BCL7B: variants seen among roughly 807,000 people sequenced by gnomAD.
The protein encoded by BCL7B is BAF chromatin remodeling complex subunit BCL7B, also known as B-cell CLL/lymphoma 7 protein family member B.
BCL7B carries 11 observed loss-of-function variants against 26.5 expected under a neutral mutation model. The observed-to-expected ratio is 0.42, with a 90% CI of 0.26 to 0.69. The LOEUF (loss-of-function observed/expected upper bound fraction) is 0.69, where lower values mean the gene tolerates loss of function less well. Ranked by LOEUF, BCL7B falls within the 30% of genes least tolerant of loss-of-function variation. The pLI, the probability that BCL7B is intolerant of heterozygous loss-of-function variation, is 0.28. For synonymous variants in BCL7B, 111 were observed against 107.9 expected (o/e 1.03, Z -0.18); for missense variants, 215 against 264.4 (o/e 0.81, Z 1.30).
chr7:73,552,644 G>A (rs185232435), intron 1 of BCL7B, among the ~76,000 whole-genome samples: 1 of 151,940 alleles, frequency 6.6e-6, no homozygotes, highest in Non-Finnish European at 1.5e-5. Flanking sequence ...AGCTGGGCGT[G>A]GTGGCGTGTG....
chr7:73,538,833 A>G (rs1053185685), intron 4 of BCL7B, among the ~76,000 whole-genome samples: 8 of 151,676 alleles, frequency 5.3e-5, no homozygotes, highest in East Asian at 1.9e-4. Context: ...AAAAAAAAAA[A>G]AAAAAGAAAA....
At chr7:73,538,301 A>C in intron 4 of BCL7B, 2 of 293,218 alleles carry the variant, frequency 6.8e-6, no homozygotes, top group East Asian at 5.5e-5. Flanking sequence ...CTCTAACTCA[A>C]TCTCCCAGTT....
At chr7:73,545,124 C>CTGAG (rs568058517) in intron 2 of BCL7B, among the ~76,000 whole-genome samples, 55 of 151,944 alleles carry the variant, frequency 3.6e-4, no homozygotes, top group Non-Finnish European at 6.6e-4. Flanking sequence ...AAGTTTAAAT[C>CTGAG]TGAGTAGCCT....
chr7:73,542,378 C>T (rs1158189919), intron 3 of BCL7B, among the ~76,000 whole-genome samples: 1 of 152,178 alleles, frequency 6.6e-6, no homozygotes, highest in Non-Finnish European at 1.5e-5. Context: ...AATAACTACA[C>T]GCTGGGTTAG....
intron 2 of BCL7B, among the ~76,000 whole-genome samples, chr7:73,547,801 A>C (rs1201866729): frequency 6.6e-6 from 1 of 152,140 alleles, no homozygotes; most frequent in East Asian, 1.9e-4. Context: ...AAGAAAAACA[A>C]ATGTAGGAGA....
rs1554584917 is a variant in BCL7B, at chr7:73,557,547, C to T, written c.32G>A (p.Arg11His). Residue 11 changes from arginine (R) to histidine (H), a missense_variant, in exon 1 of 6, where the codon CGC becomes CAC. By Grantham distance (29) the Arg-to-His change is conservative. Transcript: ENST00000223368. ...CTTGATGTCGTCCTTGGCCCGGCTG[C>T]GGGTCTCCGCCCGGACCGACCGGCC... Reference protein sequence around the residue: MSGRSVRAETRSRAKDDIKKV... With the variant: MSGRSVRAETHSRAKDDIKKV... 1.4e-6 allele frequency: 2 copies of T among 1,429,926 alleles called. No homozygotes were observed. Among genetic ancestry groups the T allele is most frequent in the East Asian group, 3.0e-5 (1 of 33,834 alleles). 88.6% of individuals were successfully genotyped at this position (1,429,926 alleles called of 1,614,324 possible).
intron 2 of BCL7B, among the ~76,000 whole-genome samples, chr7:73,544,794 C>T (rs1791895844): frequency 6.6e-6 from 1 of 152,028 alleles, no homozygotes; most frequent in African/African-American, 2.4e-5. Context: ...CACAGTGGCT[C>T]ATGCCTGTAA....
intron 2 of BCL7B, among the ~76,000 whole-genome samples, chr7:73,549,433 A>G (rs1792074293): frequency 6.6e-6 from 1 of 152,152 alleles, no homozygotes; most frequent in Non-Finnish European, 1.5e-5. Context: ...AATCCCAGCT[A>G]TTTGGGAGGC....
intron 1 of BCL7B, among the ~76,000 whole-genome samples, chr7:73,552,608 G>A (rs1792217947): frequency 6.6e-6 from 1 of 151,580 alleles, no homozygotes; most frequent in South Asian, 2.1e-4. Context: ...GTGAAACTCT[G>A]TCGCTACAAA....
chr7:73,557,538 GC>G lies in BCL7B; in HGVS notation c.40del (p.Ala14ProfsTer8). 6.9e-7 allele frequency: 1 copy of G among 1,439,874 alleles called. No individual in the cohort carries two copies. The highest frequency in any genetic ancestry group is 1.4e-5 in the South Asian group (1 of 70,566). 89.2% of individuals were successfully genotyped at this position (1,439,874 alleles called of 1,614,324 possible). A position where few individuals can be genotyped will look rare whatever the true frequency, so the allele number is the denominator to read the frequency against. On this transcript the variant is annotated frameshift_variant, in exon 1 of 6. Coordinates refer to ENST00000223368, the MANE Select transcript of BCL7B (RefSeq NM_001707.4). LOFTEE classifies it high-confidence loss of function. ...CATCACCTTCTTGATGTCGTCCTTG[GC>G]CCGGCTGCGGGTCTCCGCCCGGACC... is the stretch of plus-strand genomic sequence containing the variant. ...RSVRAETRSR[A>X]KDDIKKVMAA... is the part of the protein sequence containing the mutation.
At position 73,537,952 on chromosome 7, in the gene BCL7B, T is replaced by C; in HGVS notation, c.498A>G (p.Pro166=). ...DEPPTLTKEE[P]VPLETQVVEE... Reference sequence around the variant, plus strand: ...TGCTTACCTGTGTCTCTAGTGGAACTGGTTCTTCCTTGGTGAGGGTAGGAG... The same window carrying C: ...TGCTTACCTGTGTCTCTAGTGGAACCGGTTCTTCCTTGGTGAGGGTAGGAG... The change falls in exon 5 of 6, where the codon CCA becomes CCG. Residue 166 remains proline, a synonymous_variant. Transcript: ENST00000223368. 1 of 1,597,778 alleles carries C rather than the reference T, an allele frequency of 6.3e-7. No homozygotes were observed. The highest frequency in any genetic ancestry group is 8.5e-7 in the Non-Finnish European group (1 of 1,173,692).
intron 5 of BCL7B, 63 bp from the exon 6 acceptor site, chr7:73,537,453 C>T (rs991258499): frequency 7.1e-6 from 9 of 1,272,500 alleles, no homozygotes; most frequent in African/African-American, 1.5e-5. Context: ...TTCCCACCCA[C>T]CCGAATTATA....
In BCL7B at chr7:73,540,029, C is replaced by G. The variant is rs146655849; in HGVS notation, c.289G>C (p.Val97Leu). The part of the protein sequence containing the change: ...FQDENSNQSS[V>L]SDVYQLKVDS... ...ACCTTAAGCTGATAGACGTCAGACA[C>G]GGAACTCTGGTTGCTGTTTTCGTCT... Residue 97 changes from valine (V) to leucine (L), a missense_variant, in exon 4 of 6, where the codon GTG becomes CTG. Transcript: ENST00000223368. 1.2e-6 allele frequency: 2 copies of G among 1,613,950 alleles called. No individual in the cohort carries two copies. Among genetic ancestry groups the G allele is most frequent in the Admixed American group, 1.7e-5 (1 of 59,946 alleles).
intron 4 of BCL7B, 60 bp downstream of exon 4, chr7:73,539,822 C>T (rs1791686116): frequency 1.3e-6 from 2 of 1,582,958 alleles, no homozygotes; most frequent in Admixed American, 3.4e-5. Flanking sequence ...AGACGAGACA[C>T]AACAAGAGCA....
intron 1 of BCL7B, among the ~76,000 whole-genome samples, chr7:73,552,947 G>A (rs1302205387): frequency 6.6e-6 from 1 of 151,954 alleles, no homozygotes; most frequent in Non-Finnish European, 1.5e-5. Flanking sequence ...AGTGAGACAG[G>A]GTCTCGTTCT....
chr7:73,538,310 T>C (rs1415905043), intron 4 of BCL7B: 1 of 284,274 alleles, frequency 3.5e-6, no homozygotes, highest in African/African-American at 2.2e-5. Flanking sequence ...AATCTCCCAG[T>C]TTTCTGAGAG....
intron 1 of BCL7B, among the ~76,000 whole-genome samples, chr7:73,554,513 T>C (rs1348482404): frequency 6.6e-6 from 1 of 151,308 alleles, no homozygotes; most frequent in Non-Finnish European, 1.5e-5. Context: ...GATGACATAA[T>C]AGGGCCGGGC....
chr7:73,546,813 G>C (rs1791972246), intron 2 of BCL7B, among the ~76,000 whole-genome samples: 1 of 152,212 alleles, frequency 6.6e-6, no homozygotes, highest in Non-Finnish European at 1.5e-5. Flanking sequence ...ACTGCGTTGA[G>C]AAACTCAGAA....
chr7:73,551,579 C>T (rs1356166831), intron 2 of BCL7B, among the ~76,000 whole-genome samples: 2 of 151,562 alleles, frequency 1.3e-5, no homozygotes, highest in African/African-American at 4.8e-5. Context: ...GCTGGGATTA[C>T]AGGCGTGAGC....
Sources: gnomAD v4.1 joint callset for allele counts (sites outside exome capture counted in the v4.1 genomes callset) on GRCh38, gnomAD v4.1.1 for gene constraint, MANE v1.5 for transcripts, NCBI Gene and HGNC (gene_info 2026-07-23, HGNC 2026-07-21) for gene names.